The following ADGRA2 variants were observed in gnomAD, a reference collection of about 807,000 sequenced individuals.
ADGRA2 encodes the protein adhesion G protein-coupled receptor A2.
A neutral mutation model predicts 98.7 loss-of-function variants in ADGRA2; 61 were observed. That is an observed-to-expected ratio of 0.62 (90% CI 0.50 to 0.76). The LOEUF is 0.76. ADGRA2 is among the 30% of genes least tolerant of loss of function. The probability of loss-of-function intolerance (pLI) is 0.00; values close to 1 mark genes in which losing one functional copy is unlikely to be tolerated. For synonymous variants in ADGRA2, 858 were observed against 831.5 expected (o/e 1.03, Z -0.55); for missense variants, 1,712 against 1,860.0 (o/e 0.92, Z 1.46).
At chr8:37,839,895 C>T (rs959142005) in intron 16 of ADGRA2, among the ~76,000 whole-genome samples, 5 of 152,084 alleles carry the variant, frequency 3.3e-5, no homozygotes, top group African/African-American at 4.8e-5. Flanking sequence ...GCCAGATAGC[C>T]ATATCAGGGT....
At chr8:37,798,361 C>T (rs977886243) in intron 1 of ADGRA2, among the ~76,000 whole-genome samples, 2 of 152,210 alleles carry the variant, frequency 1.3e-5, no homozygotes, top group Non-Finnish European at 2.9e-5. Context: ...CCTCCTTCCG[C>T]GACTTCCCTC....
chr8:37,832,936 C>T (rs1025147282), intron 8 of ADGRA2, 74 bp from the exon 9 acceptor site: 9 of 1,190,064 alleles, frequency 7.6e-6, no homozygotes, highest in African/African-American at 6.0e-5. Flanking sequence ...CCGGCCTCAC[C>T]GTTCTAAAGT....
chr8:37,832,455 G>A (rs918151274), intron 8 of ADGRA2, among the ~76,000 whole-genome samples: 14 of 151,912 alleles, frequency 9.2e-5, no homozygotes, highest in East Asian at 3.9e-4. Context: ...TCCCACCTCC[G>A]CCTCCCAAGG....
chr8:37,825,646 G>C (rs964994486), intron 2 of ADGRA2, among the ~76,000 whole-genome samples: 1 of 152,030 alleles, frequency 6.6e-6, no homozygotes, highest in Non-Finnish European at 1.5e-5. Context: ...GGCCTTCGTA[G>C]ATCTTCAAAA....
At position 37,835,546 on chromosome 8, in the gene ADGRA2, C is replaced by T; in HGVS notation, c.1834-8C>T. On this transcript the variant is annotated splice_polypyrimidine_tract_variant and splice_region_variant and intron_variant, in intron 12 of 18. Coordinates refer to ENST00000412232, the MANE Select transcript of ADGRA2 (RefSeq NM_032777.10). ...TGGTGTCTCTGAGGAGCTCCTATGT[C>T]CCCCCAGAACAGCGTGGCCCTGGCC... 3.8e-6 allele frequency: 6 copies of T among 1,585,854 alleles called. No individual in the cohort carries two copies. The highest frequency in any genetic ancestry group is 4.3e-6 in the Non-Finnish European group (5 of 1,154,428).
At position 37,802,110 on chromosome 8, in the gene ADGRA2, T is replaced by A. The variant is rs888137646; in HGVS notation, c.266+4576T>A. ...TCTGCTGGGATTTCAGTGGTCTTTG[T>A]AGGGGAAGTTGAGGAAGATGGGCCT... On this transcript the variant is annotated intron_variant, in intron 1 of 18. Transcript: ENST00000412232. This position sits in a 1 kb window ranked among gnomAD's most constrained non-coding sequence, Gnocchi z 4.7. Among the ~76,000 whole-genome samples, 6 of 152,154 alleles carry A rather than the reference T, an allele frequency of 3.9e-5. No individual in the cohort carries two copies. The highest frequency in any genetic ancestry group is 1.4e-4 in the African/African-American group (6 of 41,434).
chr8:37,839,691 G>A, intron 16 of ADGRA2, 69 bp downstream of exon 16: 1 of 1,563,482 alleles, frequency 6.4e-7, no homozygotes, highest in Admixed American at 1.8e-5. Context: ...ATAGAGTGGG[G>A]TGATGCGCTG....
chr8:37,803,119 T>A (rs1804555853), intron 1 of ADGRA2, among the ~76,000 whole-genome samples: 1 of 152,184 alleles, frequency 6.6e-6, no homozygotes. Flanking sequence ...AACCATAAAT[T>A]GACCCTTCAA....
rs777238816 is a variant in ADGRA2 at position 37,830,775 on chromosome 8, G to C, written c.784G>C (p.Asp262His). The C allele has an allele frequency of 6.2e-7, 1 of 1,600,064 alleles. No homozygotes were observed. Among genetic ancestry groups the C allele is most frequent in the Non-Finnish European group, 8.5e-7 (1 of 1,173,784 alleles). The change falls in exon 7 of 19, where the codon GAT becomes CAT. Residue 262 changes from aspartate to histidine, a missense_variant. Physicochemically the swap from Asp to His is moderately conservative, Grantham distance 81. Coordinates refer to ENST00000412232, the MANE Select transcript of ADGRA2 (RefSeq NM_032777.10). The surrounding 1 kb of genome is among the most constrained non-coding windows in gnomAD (Gnocchi z 4.8). ...CCTACGCCAAGTGGTGTTCCAGGGG[G>C]ATCGGCTGCCCTTCCAGTGCTCTGC... is the stretch of plus-strand genomic sequence containing the variant. Reference protein sequence around the residue: ...PSLRQVVFQGDRLPFQCSASY... With the variant: ...PSLRQVVFQGHRLPFQCSASY...
intron 5 of ADGRA2, 126 bp downstream of exon 5, chr8:37,829,685 GC>G: frequency 2.1e-6 from 2 of 960,520 alleles, no homozygotes; most frequent in Non-Finnish European, 3.3e-6. Flanking sequence ...TGCCTGAAAT[GC>G]CCCCATGATC....
At chr8:37,800,841 T>C (rs553496312) in intron 1 of ADGRA2, among the ~76,000 whole-genome samples, 1 of 152,334 alleles carries the variant, frequency 6.6e-6, no homozygotes, top group African/African-American at 2.4e-5. Flanking sequence ...ACGAACATTT[T>C]CCTTTTCACC....
chr8:37,828,241 A>G (rs1421801579), intron 2 of ADGRA2, among the ~76,000 whole-genome samples: 2 of 152,118 alleles, frequency 1.3e-5, no homozygotes, highest in Non-Finnish European at 2.9e-5. Context: ...GCAATTTACA[A>G]AACACCATGA....
intron 8 of ADGRA2, 57 bp from the exon 9 acceptor site, chr8:37,832,953 A>T: frequency 7.4e-7 from 1 of 1,345,794 alleles, no homozygotes; most frequent in Non-Finnish European, 1.1e-6. Context: ...AAGTCGGGAG[A>T]AGGGCTGTTG....
At chr8:37,819,626 T>C (rs1368592441) in intron 2 of ADGRA2, among the ~76,000 whole-genome samples, 1 of 152,170 alleles carries the variant, frequency 6.6e-6, no homozygotes, top group Non-Finnish European at 1.5e-5. Context: ...CTCCTTGGCC[T>C]TCCAAAGTGC....
Position 37,809,343 on chromosome 8 carries a change from C to A in ADGRA2, c.267-5553C>A, listed in dbSNP as rs528830838. Among the ~76,000 whole-genome samples the A allele has an allele frequency of 1.4e-3, 216 of 150,834 alleles. 1 individual carries two copies. The highest frequency in any genetic ancestry group is 2.6e-3 in the Non-Finnish European group (175 of 67,762). On this transcript the variant is annotated intron_variant, in intron 1 of 18. Transcript: ENST00000412232. ...AGACCCCTGCACTATCTGTCTAAAA[C>A]TGCCTGCCCTCCTCTCCCCAGATAG...
chr8:37,802,436 GA>G lies in ADGRA2; in HGVS notation c.266+4903del, dbSNP rs1804535940. Among the ~76,000 whole-genome samples, 1 of 152,200 alleles carries G rather than the reference GA, an allele frequency of 6.6e-6. No individual in the cohort carries two copies. Among genetic ancestry groups the G allele is most frequent in the Non-Finnish European group, 1.5e-5 (1 of 68,024 alleles). Reference sequence around the variant, plus strand: ...TGTACAGAGAGCTTTTGTGAGAGAAGAGGGGGAGGGGGAAAGAGCAAAGAAA... The same window carrying G: ...TGTACAGAGAGCTTTTGTGAGAGAAGGGGGGAGGGGGAAAGAGCAAAGAAA... On this transcript the variant is annotated intron_variant, in intron 1 of 18. Coordinates refer to ENST00000412232, the MANE Select transcript of ADGRA2 (RefSeq NM_032777.10). This position sits in a 1 kb window ranked among gnomAD's most constrained non-coding sequence, Gnocchi z 4.7.
intron 2 of ADGRA2, among the ~76,000 whole-genome samples, chr8:37,819,670 TTTTTC>T (rs1322342023): frequency 7.0e-6 from 1 of 142,722 alleles, no homozygotes; most frequent in African/African-American, 2.6e-5. Flanking sequence ...GCACCCGGCC[TTTTTC>T]TTTTTTCTTT....
chr8:37,822,204 G>A (rs1279757810), intron 2 of ADGRA2, among the ~76,000 whole-genome samples: 1 of 152,152 alleles, frequency 6.6e-6, no homozygotes, highest in Non-Finnish European at 1.5e-5. Context: ...CCTGCAGGGT[G>A]TCCTGGCCCA....
chr8:37,830,344 G>A lies in ADGRA2; in HGVS notation c.718+330G>A, dbSNP rs1039479141. ...GGGCCAGTGTTATTCTCCCTACTCC[G>A]CCTATGACTGTGTGCTGGGCGTGTC... On this transcript the variant is annotated intron_variant, in intron 6 of 18. Transcript: ENST00000412232. The surrounding 1 kb of genome is among the most constrained non-coding windows in gnomAD (Gnocchi z 4.8). 9.9e-5 allele frequency among the ~76,000 whole-genome samples: 15 copies of A among 152,194 alleles called. No homozygotes were observed. The highest frequency in any genetic ancestry group is 5.2e-4 in the Admixed American group (8 of 15,280).
Sources: gnomAD v4.1 joint callset for allele counts (sites outside exome capture counted in the v4.1 genomes callset) on GRCh38, gnomAD v4.1.1 for gene constraint, Gnocchi (gnomAD v3.1) non-coding constraint, MANE v1.5 for transcripts, NCBI Gene and HGNC (gene_info 2026-07-23, HGNC 2026-07-21) for gene names.